Variants in MACROD2 observed in about 807,000 individuals in gnomAD.
The protein encoded by MACROD2 is ADP-ribose glycohydrolase MACROD2.
In MACROD2, 36 loss-of-function variants were observed where a neutral mutation model predicts 70.4. That is an observed-to-expected ratio of 0.51 (90% CI 0.39 to 0.68). The LOEUF (loss-of-function observed/expected upper bound fraction) is 0.68. Among genes scored for constraint, MACROD2 ranks in the 30% least tolerant of loss-of-function variants. The pLI is 0.00. For missense variants in MACROD2, 496 were observed against 538.4 expected, an observed-to-expected ratio of 0.92 and a Z score of 0.78; for synonymous variants, 172 against 178.8, an observed-to-expected ratio of 0.96 and a Z score of 0.30.
chr20:15,364,138 A>G (rs181977681), intron 6 of MACROD2, among the ~76,000 whole-genome samples: 2 of 152,318 alleles, frequency 1.3e-5, no homozygotes, highest in African/African-American at 4.8e-5. Flanking sequence ...GAGTTAAACT[A>G]AGAATATTTG....
intron 6 of MACROD2, among the ~76,000 whole-genome samples, chr20:15,408,864 A>C (rs529092325): frequency 1.8e-4 from 28 of 152,350 alleles, no homozygotes; most frequent in Non-Finnish European, 3.4e-4. Context: ...TGATTTGTGA[A>C]AATGGGATCA....
At chr20:15,488,495 A>C (rs898430230) in intron 7 of MACROD2, among the ~76,000 whole-genome samples, 1 of 152,224 alleles carries the variant, frequency 6.6e-6, no homozygotes, top group South Asian at 2.1e-4. Flanking sequence ...CAAAACGGAC[A>C]TCATTTCAGG....
intron 5 of MACROD2, among the ~76,000 whole-genome samples, chr20:15,200,349 T>G (rs1277660687): frequency 2.0e-5 from 3 of 152,226 alleles, no homozygotes; most frequent in Non-Finnish European, 4.4e-5. Flanking sequence ...AATCTGGTTT[T>G]CTTTGCAATG....
chr20:14,585,590 A>AT (rs1479897478), intron 4 of MACROD2, among the ~76,000 whole-genome samples: 1 of 152,112 alleles, frequency 6.6e-6, no homozygotes. Context: ...TTTATAAGAT[A>AT]TTTATTGTAT....
At chr20:15,559,741 G>C (rs1241616595) in intron 8 of MACROD2, among the ~76,000 whole-genome samples, 2 of 152,186 alleles carry the variant, frequency 1.3e-5, no homozygotes, top group African/African-American at 2.4e-5. Context: ...TGGTCAATAA[G>C]GGGTGAGGAG....
At chr20:14,222,866 C>T (rs1302302917) in intron 3 of MACROD2, among the ~76,000 whole-genome samples, 1 of 138,868 alleles carries the variant, frequency 7.2e-6, no homozygotes, top group Non-Finnish European at 1.5e-5. Flanking sequence ...TTTTGTAGAA[C>T]AGATTGGAGT....
At chr20:14,594,498 A>T (rs1443233982) in intron 4 of MACROD2, among the ~76,000 whole-genome samples, 1 of 152,214 alleles carries the variant, frequency 6.6e-6, no homozygotes, top group Non-Finnish European at 1.5e-5. Flanking sequence ...ATCACAATCT[A>T]AGTAAGACCA....
chr20:15,927,930 G>GT (rs1360147379), intron 10 of MACROD2, among the ~76,000 whole-genome samples: 3 of 152,160 alleles, frequency 2.0e-5, no homozygotes, highest in African/African-American at 7.2e-5. Context: ...GGGTCACAGG[G>GT]TTTGGACAGA....
intron 5 of MACROD2, among the ~76,000 whole-genome samples, chr20:15,186,112 A>G (rs1263695630): frequency 6.6e-6 from 1 of 152,110 alleles, no homozygotes; most frequent in Non-Finnish European, 1.5e-5. Context: ...CAGTGAAAAC[A>G]CCTTTTTTTT....
chr20:15,937,710 C>A (rs1333048478), intron 12 of MACROD2, among the ~76,000 whole-genome samples, 166 bp downstream of exon 12: 2 of 145,488 alleles, frequency 1.4e-5, no homozygotes, highest in African/African-American at 2.6e-5. Context: ...TTATTGCATA[C>A]CTAGCCTGTA....
chr20:15,242,003 A>G (rs529485420), intron 6 of MACROD2, among the ~76,000 whole-genome samples: 3 of 152,298 alleles, frequency 2.0e-5, no homozygotes, highest in African/African-American at 7.2e-5. Flanking sequence ...TAAATATGAA[A>G]GAACAGACAC....
chr20:15,101,860 G>GT (rs754411883), intron 5 of MACROD2, among the ~76,000 whole-genome samples: 2 of 151,806 alleles, frequency 1.3e-5, no homozygotes, highest in African/African-American at 2.4e-5. Context: ...TTAGTCTTTG[G>GT]TTTTTTCCCT....
At chr20:14,597,976 T>C (rs915871629) in intron 4 of MACROD2, among the ~76,000 whole-genome samples, 4 of 152,130 alleles carry the variant, frequency 2.6e-5, no homozygotes, top group African/African-American at 9.7e-5. Flanking sequence ...AAAAATATAA[T>C]CTTACAAAGA....
chr20:13,998,269 C>G (rs1444121960), intron 1 of MACROD2, among the ~76,000 whole-genome samples: 1 of 151,350 alleles, frequency 6.6e-6, no homozygotes, highest in East Asian at 1.9e-4. Context: ...CATGTTTGAT[C>G]TAGTATTTTG....
At chr20:15,455,057 T>C (rs1042569421) in intron 7 of MACROD2, among the ~76,000 whole-genome samples, 6 of 152,148 alleles carry the variant, frequency 3.9e-5, no homozygotes. Flanking sequence ...AGTACCAGAA[T>C]AGTGGTTGGA....
chr20:15,043,805 A>G (rs2075372888), intron 5 of MACROD2, among the ~76,000 whole-genome samples: 1 of 152,152 alleles, frequency 6.6e-6, no homozygotes, highest in South Asian at 2.1e-4. Flanking sequence ...CTCGGGTTTG[A>G]TATTTTATTA....
At chr20:15,627,817 G>A (rs889552511) in intron 8 of MACROD2, among the ~76,000 whole-genome samples, 12 of 152,306 alleles carry the variant, frequency 7.9e-5, no homozygotes, top group African/African-American at 2.9e-4. Context: ...TTACAAAGGT[G>A]ATTGAATTTT....
chr20:15,870,929 A>G (rs2064571439), intron 9 of MACROD2, among the ~76,000 whole-genome samples: 1 of 152,186 alleles, frequency 6.6e-6, no homozygotes, highest in South Asian at 2.1e-4. Flanking sequence ...CTGCAATCCC[A>G]GCACTTTGGG....
At chr20:15,698,861 A>G (rs952694786) in intron 8 of MACROD2, among the ~76,000 whole-genome samples, 2 of 152,088 alleles carry the variant, frequency 1.3e-5, no homozygotes, top group African/African-American at 4.8e-5. Context: ...TACTTGTTCA[A>G]TTCTATTGCT....
Sources: gnomAD v4.1 joint callset for allele counts (sites outside exome capture counted in the v4.1 genomes callset) on GRCh38, gnomAD v4.1.1 for gene constraint, MANE v1.5 for transcripts, NCBI Gene and HGNC (gene_info 2026-07-23, HGNC 2026-07-21) for gene names.